The following GPHN variants were observed in gnomAD, a reference collection of about 807,000 sequenced individuals.
GPHN encodes gephyrin.
Under a neutral mutation model 95.5 loss-of-function variants are expected in GPHN, and 17 were observed. The ratio of observed to expected loss-of-function variants is 0.18; its 90% CI spans 0.12 to 0.27. The LOEUF is 0.27. Ranked by LOEUF, GPHN falls within the 10% of genes least tolerant of loss-of-function variation. The pLI is 1.00. For synonymous variants in GPHN, 320 were observed against 322.5 expected (o/e 0.99, Z 0.08); for missense variants, 660 against 978.1 (o/e 0.67, Z 4.34).
intron 2 of GPHN, among the ~76,000 whole-genome samples, chr14:66,686,923 C>A (rs1048964869): frequency 1.3e-5 from 2 of 152,054 alleles, no homozygotes; most frequent in Admixed American, 1.3e-4. Flanking sequence ...GAGATACGTC[C>A]CATCAATACC....
At chr14:66,899,122 C>CTTTTTTTTTTTTTTTTTTTTTTTTTTT (rs149566081) in intron 5 of GPHN, among the ~76,000 whole-genome samples, 1 of 130,804 alleles carries the variant, frequency 7.6e-6, no homozygotes. Flanking sequence ...AGGGCTTTTT[C>CTTTTTTTTTTTTTTTTTTTTTTTTTTT]TTTTTTTTTT....
chr14:67,678,619 C>T, the GPHN span, among the ~76,000 whole-genome samples: 2 of 152,194 alleles, frequency 1.3e-5, no homozygotes, highest in African/African-American at 2.4e-5. Context: ...TAGATCTCCT[C>T]GCTAGACCAC....
At chr14:67,266,621 C>T in the GPHN span, among the ~76,000 whole-genome samples, 3 of 152,040 alleles carry the variant, frequency 2.0e-5, no homozygotes, top group Non-Finnish European at 4.4e-5. Flanking sequence ...CCACCTCGCC[C>T]AGCTGAAATA....
the GPHN span, among the ~76,000 whole-genome samples, chr14:67,192,845 T>G: frequency 7.5e-5 from 11 of 146,266 alleles, no homozygotes; most frequent in Non-Finnish European, 1.5e-4. Context: ...TATATATCTA[T>G]ATATAGATAT....
At chr14:66,938,710 A>G (rs1335946765) in intron 8 of GPHN, among the ~76,000 whole-genome samples, 1 of 152,224 alleles carries the variant, frequency 6.6e-6, no homozygotes, top group African/African-American at 2.4e-5. Context: ...TTGAACACAC[A>G]AACTCTGGCC....
the GPHN span, among the ~76,000 whole-genome samples, chr14:67,416,488 A>G: frequency 6.6e-6 from 1 of 152,256 alleles, no homozygotes; most frequent in African/African-American, 2.4e-5. Context: ...GATTGGGCAG[A>G]GGCAAAAAGC....
At chr14:66,727,886 A>G (rs953591195) in intron 2 of GPHN, among the ~76,000 whole-genome samples, 4 of 152,224 alleles carry the variant, frequency 2.6e-5, no homozygotes, top group African/African-American at 7.2e-5. Flanking sequence ...TTAATCCCCA[A>G]TACAATGGGG....
the GPHN span, among the ~76,000 whole-genome samples, chr14:67,402,341 GA>G: frequency 6.6e-6 from 1 of 152,056 alleles, no homozygotes; most frequent in Non-Finnish European, 1.5e-5. Flanking sequence ...GAGCTATTTT[GA>G]TACAGGCATA....
chr14:67,489,608 C>G, the GPHN span, among the ~76,000 whole-genome samples: 2 of 152,294 alleles, frequency 1.3e-5, no homozygotes, highest in South Asian at 4.1e-4. Context: ...TTTGCGATGC[C>G]GTCCCACAAC....
chr14:67,572,018 TCCACCC>T, the GPHN span: 4 of 1,475,748 alleles, frequency 2.7e-6, no homozygotes, highest in East Asian at 7.4e-5. Flanking sequence ...CCCCAGCAGC[TCCACCC>T]CCAGCCCCAG....
chr14:66,871,102 A>T (rs572817029), intron 4 of GPHN, among the ~76,000 whole-genome samples: 1 of 152,138 alleles, frequency 6.6e-6, no homozygotes, highest in East Asian at 1.9e-4. Context: ...TGAGTTTTTC[A>T]TGTGCTGGGT....
chr14:67,106,686 A>G (rs1354243541), intron 13 of GPHN, among the ~76,000 whole-genome samples: 1 of 151,720 alleles, frequency 6.6e-6, no homozygotes, highest in African/African-American at 2.4e-5. Context: ...ATCTTTGTTG[A>G]ATTTATCATT....
At chr14:66,641,735 C>T (rs1208878993) in intron 1 of GPHN, among the ~76,000 whole-genome samples, 3 of 151,508 alleles carry the variant, frequency 2.0e-5, no homozygotes, top group East Asian at 3.9e-4. Context: ...TATAACATTT[C>T]ACTGGAAAAT....
At chr14:67,067,630 C>A (rs2076115077) in intron 11 of GPHN, among the ~76,000 whole-genome samples, 2 of 152,226 alleles carry the variant, frequency 1.3e-5, no homozygotes, top group Admixed American at 1.3e-4. Context: ...TTCCTGGCCA[C>A]TTTGTTTACC....
chr14:67,692,295 C>T, the GPHN span: 1 of 788,896 alleles, frequency 1.3e-6, no homozygotes, highest in African/African-American at 1.8e-5. Context: ...AATTGTGTCC[C>T]AGTGACTATG....
At chr14:67,325,763 CA>C in the GPHN span, among the ~76,000 whole-genome samples, 1 of 151,914 alleles carries the variant, frequency 6.6e-6, no homozygotes, top group South Asian at 2.1e-4. Context: ...GATTTGCTAT[CA>C]TATGAAGGGC....
At chr14:67,458,707 A>AT in the GPHN span, among the ~76,000 whole-genome samples, 6 of 151,736 alleles carry the variant, frequency 4.0e-5, no homozygotes, top group African/African-American at 1.5e-4. Flanking sequence ...TTTATATGCT[A>AT]TTTTTTTCCT....
At chr14:67,248,871 G>A in the GPHN span, among the ~76,000 whole-genome samples, 3 of 152,078 alleles carry the variant, frequency 2.0e-5, no homozygotes, top group Non-Finnish European at 4.4e-5. Flanking sequence ...TGTTGCTCAG[G>A]CTGGTCTCGA....
chr14:67,134,395 G>A (rs1452165054), intron 17 of GPHN, among the ~76,000 whole-genome samples: 3 of 152,168 alleles, frequency 2.0e-5, no homozygotes, highest in Non-Finnish European at 4.4e-5. Context: ...TGAATATACA[G>A]TTGTTTCACC....
Sources: gnomAD v4.1 joint callset for allele counts (sites outside exome capture counted in the v4.1 genomes callset) on GRCh38, gnomAD v4.1.1 for gene constraint, MANE v1.5 for transcripts, NCBI Gene and HGNC (gene_info 2026-07-23, HGNC 2026-07-21) for gene names.